NLRP5: variants seen among roughly 807,000 people sequenced by gnomAD.
NLRP5 encodes the protein NLR family pyrin domain containing 5.
Under a neutral mutation model 113.1 loss-of-function variants are expected in NLRP5, and 93 were observed. That is an observed-to-expected ratio of 0.82 (90% CI 0.70 to 0.98). The LOEUF (loss-of-function observed/expected upper bound fraction) is 0.98. NLRP5 is among the 50% of genes least tolerant of loss of function. The pLI is 0.00. For synonymous variants in NLRP5, 751 were observed against 600.7 expected (o/e 1.25, Z -3.66); for missense variants, 1,808 against 1,514.3 (o/e 1.19, Z -3.22).
chr19:56,029,270 T>G (rs963625037), intron 7 of NLRP5, among the ~76,000 whole-genome samples: 1 of 152,086 alleles, frequency 6.6e-6, no homozygotes, highest in Admixed American at 6.6e-5. Context: ...CTCATTTGTA[T>G]TTTTTTCTTT....
Position 56,010,742 on chromosome 19 carries a change from C to CAAAAAAAAAAAAAAAAAAAAAAAAAAAAA in NLRP5, c.508+1902_508+1903insAAAAAAAAAAAAAAAAAAAAAAAAAAAAA, listed in dbSNP as rs1412317286. ...GGGAAACAAGAGCTTAACTCTGTCT[C>CAAAAAAAAAAAAAAAAAAAAAAAAAAAAA]AAAAAAAAAAAAAGTCCCTTGAAAC... On this transcript the variant is annotated intron_variant, in intron 3 of 14. Transcript: ENST00000390649. Among the ~76,000 whole-genome samples the CAAAAAAAAAAAAAAAAAAAAAAAAAAAAA allele has an allele frequency of 8.0e-4, 33 of 41,228 alleles. 1 individual carries two copies. The highest frequency in any genetic ancestry group is 1.9e-3 in the Admixed American group (6 of 3,172). The allele number at this position is 41,228 out of a possible 152,430, so 27.0% of individuals were successfully genotyped here.
chr19:56,007,789 T>C (rs1450776323), intron 2 of NLRP5, among the ~76,000 whole-genome samples: 1 of 135,886 alleles, frequency 7.4e-6, no homozygotes, highest in Non-Finnish European at 1.6e-5. Flanking sequence ...GTCCATGAGA[T>C]AAATAAAGGT....
upstream of NLRP5, chr19:55,999,640 C>G (rs1281590344): frequency 5.9e-6 from 6 of 1,010,702 alleles, no homozygotes; most frequent in Non-Finnish European, 9.4e-6. Flanking sequence ...TCACAGTAAC[C>G]CTTGAAGAGG....
rs1421400760 is a variant in NLRP5 at position 56,028,410 on chromosome 19, G to C, written c.2177G>C (p.Cys726Ser). Residue 726 changes from cysteine to serine, a missense_variant, in exon 7 of 15, where the codon TGC becomes TCC. Cys to Ser is a moderately radical substitution (Grantham distance 112, BLOSUM62 -1). Transcript: ENST00000390649. ...CTGGACTTGATAGCATCTTCCTTCTGCCTCCAGCACTGTCCGTATTTGCGG... is the reference window on the plus strand; with the variant it reads ...CTGGACTTGATAGCATCTTCCTTCTCCCTCCAGCACTGTCCGTATTTGCGG... 6.2e-7 allele frequency: 1 copy of C among 1,613,960 alleles called. No homozygotes were observed. Among genetic ancestry groups the C allele is most frequent in the Non-Finnish European group, 8.5e-7 (1 of 1,179,890 alleles).
chr19:56,009,264 C>T (rs1599880368), intron 3 of NLRP5, among the ~76,000 whole-genome samples: 2 of 135,046 alleles, frequency 1.5e-5, no homozygotes, highest in Admixed American at 8.8e-5. Flanking sequence ...CACTTGGACC[C>T]GGTAGGCAGA....
chr19:56,046,749 G>T (rs1197094810), intron 11 of NLRP5, among the ~76,000 whole-genome samples: 2 of 152,044 alleles, frequency 1.3e-5, no homozygotes, highest in Admixed American at 1.3e-4. Context: ...TTTCACCGTG[G>T]TCTCGATCTC....
At chr19:56,032,501 C>A in intron 7 of NLRP5, 110 bp from the exon 8 acceptor site, 2 of 932,666 alleles carry the variant, frequency 2.1e-6, no homozygotes, top group Non-Finnish European at 3.2e-6. Context: ...GCCTCTAAAG[C>A]CACCGTGGTC....
At chr19:56,001,525 C>T (rs935097419) in intron 1 of NLRP5, among the ~76,000 whole-genome samples, 1 of 151,910 alleles carries the variant, frequency 6.6e-6, no homozygotes, top group Non-Finnish European at 1.5e-5. Context: ...TAAAACTTTC[C>T]CATGGAAAGA....
In NLRP5 at chr19:56,053,725, C is replaced by A. The variant is rs1175291714; in HGVS notation, c.3216C>A (p.Leu1072=). 6.2e-7 allele frequency: 1 copy of A among 1,613,954 alleles called. No individual in the cohort carries two copies. The highest frequency in any genetic ancestry group is 1.1e-5 in the South Asian group (1 of 91,074). ...GCAGACACCTGAAGAGCCTGGATCTCACGGACAATGCCCTGGGTGACGGTG... is the reference window on the plus strand; with the variant it reads ...GCAGACACCTGAAGAGCCTGGATCTAACGGACAATGCCCTGGGTGACGGTG... The change falls in exon 13 of 15, where the codon CTC becomes CTA. Residue 1072 remains leucine, a synonymous_variant. Coordinates refer to ENST00000390649, the MANE Select transcript of NLRP5 (RefSeq NM_153447.4).
intron 10 of NLRP5, among the ~76,000 whole-genome samples, chr19:56,039,589 T>C (rs1367985036): frequency 1.3e-5 from 2 of 152,154 alleles, no homozygotes; most frequent in African/African-American, 2.4e-5. Flanking sequence ...TAGCAGACTG[T>C]TTCTGGAATC....
intron 3 of NLRP5, among the ~76,000 whole-genome samples, chr19:56,015,020 T>G (rs1006547011): frequency 6.6e-6 from 1 of 152,222 alleles, no homozygotes; most frequent in Admixed American, 6.5e-5. Flanking sequence ...GTAACAACAT[T>G]AAGTCTTCAA....
At chr19:56,032,844 C>T in intron 8 of NLRP5, 63 bp downstream of exon 8, 3 of 1,488,160 alleles carry the variant, frequency 2.0e-6, no homozygotes, top group Non-Finnish European at 2.7e-6. Flanking sequence ...CTCTCCCCTA[C>T]CTCCTGAGAG....
intron 9 of NLRP5, among the ~76,000 whole-genome samples, chr19:56,037,551 G>A (rs1170692693): frequency 1.3e-5 from 2 of 152,008 alleles, no homozygotes; most frequent in Admixed American, 6.6e-5. Flanking sequence ...AAATTAGCCA[G>A]GTATGGTGGT....
intron 7 of NLRP5, among the ~76,000 whole-genome samples, chr19:56,029,814 T>C (rs1306709246): frequency 2.0e-5 from 3 of 151,370 alleles, no homozygotes; most frequent in Non-Finnish European, 4.4e-5. Context: ...CCCAGCACTT[T>C]GGGAGGCTGA....
intron 3 of NLRP5, among the ~76,000 whole-genome samples, chr19:56,010,469 G>A (rs1325631827): frequency 6.6e-6 from 1 of 152,058 alleles, no homozygotes; most frequent in Non-Finnish European, 1.5e-5. Context: ...CAAAGGCTGG[G>A]CGCGGTGGCT....
chr19:56,019,092 A>G (rs1469740743), intron 4 of NLRP5, among the ~76,000 whole-genome samples: 1 of 152,128 alleles, frequency 6.6e-6, no homozygotes, highest in Non-Finnish European at 1.5e-5. Flanking sequence ...GACCACGCCC[A>G]ACCTACCCTT....
intron 13 of NLRP5, 53 bp downstream of exon 13, chr19:56,053,861 C>A: frequency 1.3e-6 from 2 of 1,567,120 alleles, no homozygotes; most frequent in South Asian, 2.3e-5. Flanking sequence ...GGTGGGGGAC[C>A]CCAGCATGAG....
At position 56,007,900 on chromosome 19, in the gene NLRP5, C is replaced by CTTCCAAAGTGTACAAGACAGTTT. The variant is rs1555764384; in HGVS notation, c.443-888_443-887insTTCCAAAGTGTACAAGACAGTTT. Among the ~76,000 whole-genome samples, 3 of 79,424 alleles carry CTTCCAAAGTGTACAAGACAGTTT rather than the reference C, an allele frequency of 3.8e-5. 1 individual carries two copies. The highest frequency in any genetic ancestry group is 1.8e-4 in the African/African-American group (3 of 16,542). The allele number at this position is 79,424 out of a possible 152,430, so 52.1% of individuals were successfully genotyped here. On this transcript the variant is annotated intron_variant, in intron 2 of 14. Coordinates refer to ENST00000390649, the MANE Select transcript of NLRP5 (RefSeq NM_153447.4). ...GTGTGTGTGTGTGTGCGCGTGCGCGCGTGCGTGTGTGTGTGTGTGTGTGTG... is the reference window on the plus strand; with the variant it reads ...GTGTGTGTGTGTGTGCGCGTGCGCGCTTCCAAAGTGTACAAGACAGTTTGTGCGTGTGTGTGTGTGTGTGTGTG...
intron 11 of NLRP5, among the ~76,000 whole-genome samples, chr19:56,042,810 T>TCCCA (rs1983570462): frequency 1.3e-5 from 2 of 152,252 alleles, no homozygotes; most frequent in Non-Finnish European, 2.9e-5. Flanking sequence ...CTTTGTGTCC[T>TCCCA]CATAGCTTAG....
Sources: allele counts gnomAD v4.1 joint callset (sites outside exome capture counted in the v4.1 genomes callset), GRCh38; gene constraint gnomAD v4.1.1; transcripts MANE v1.5; gene names NCBI Gene and HGNC (gene_info 2026-07-23, HGNC 2026-07-21).